The following CWC25 variants were observed in gnomAD, a reference collection of about 807,000 sequenced individuals.
The protein encoded by CWC25 is CWC25 spliceosome associated protein.
In CWC25, 31 loss-of-function variants were observed where a neutral mutation model predicts 54.6. The observed-to-expected ratio is 0.57, with a 90% confidence interval of 0.43 to 0.77. CWC25 has a LOEUF of 0.77. Among genes scored for constraint, CWC25 ranks in the 30% least tolerant of loss-of-function variants. The probability of loss-of-function intolerance (pLI) is 0.00; values close to 1 mark genes in which losing one functional copy is unlikely to be tolerated. For synonymous variants in CWC25, 151 were observed against 187.0 expected (o/e 0.81, Z 1.57); for missense variants, 453 against 529.3 (o/e 0.86, Z 1.41).
intron 1 of CWC25, among the ~76,000 whole-genome samples, chr17:38,822,777 T>C (rs895836035): frequency 7.3e-5 from 11 of 150,464 alleles, no homozygotes; most frequent in Non-Finnish European, 1.6e-4. Context: ...AGAAGCCAAG[T>C]GAGAAAGGAG....
intron 4 of CWC25, among the ~76,000 whole-genome samples, chr17:38,812,275 C>T (rs1417724850): frequency 2.0e-5 from 3 of 152,114 alleles, no homozygotes; most frequent in Non-Finnish European, 4.4e-5. Flanking sequence ...CATACTCCAA[C>T]CTCCTGAACA....
intron 9 of CWC25, 95 bp downstream of exon 9, chr17:38,802,605 T>C: frequency 1.4e-6 from 2 of 1,443,538 alleles, no homozygotes; most frequent in Non-Finnish European, 1.9e-6. Context: ...GGGCTCCATG[T>C]GCAAACACAG....
At chr17:38,808,568 G>C (rs1911350311) in intron 6 of CWC25, among the ~76,000 whole-genome samples, 1 of 140,522 alleles carries the variant, frequency 7.1e-6, no homozygotes, top group Non-Finnish European at 1.6e-5. Context: ...ATAGCTTGAG[G>C]CCAGGAGTTT....
At chr17:38,822,470 C>T (rs1911962702) in intron 1 of CWC25, among the ~76,000 whole-genome samples, 1 of 152,136 alleles carries the variant, frequency 6.6e-6, no homozygotes, top group Non-Finnish European at 1.5e-5. Flanking sequence ...CTTTCCTTCC[C>T]AGGAATCTCT....
At chr17:38,820,218 C>T (rs1484536308) in intron 2 of CWC25, among the ~76,000 whole-genome samples, 1 of 152,204 alleles carries the variant, frequency 6.6e-6, no homozygotes, top group African/African-American at 2.4e-5. Context: ...CATGAACCAC[C>T]GCACCTAGTC....
intron 4 of CWC25, among the ~76,000 whole-genome samples, chr17:38,812,494 G>A (rs544168603): frequency 1.3e-5 from 2 of 152,268 alleles, no homozygotes; most frequent in African/African-American, 2.4e-5. Flanking sequence ...GGGCGTGGTG[G>A]CACATCCCTG....
intron 7 of CWC25, 164 bp downstream of exon 7, chr17:38,806,601 T>A: frequency 1.3e-6 from 1 of 772,898 alleles, no homozygotes; most frequent in East Asian, 2.7e-5. Flanking sequence ...TTTGGATGCC[T>A]GAGCTTTACA....
At position 38,806,079 on chromosome 17, in the gene CWC25, T is replaced by C. The variant is rs150975060; in HGVS notation, c.1001+218A>G. On this transcript the variant is annotated intron_variant, in intron 8 of 9. Coordinates refer to ENST00000614790, the MANE Select transcript of CWC25 (RefSeq NM_017748.5). ...CACCCACCTCAGCCTCCCAAACTGC[T>C]GTGATTACAGGCGTGAGCCACCACG... Among the ~76,000 whole-genome samples the C allele has an allele frequency of 4.9e-3, 750 of 152,340 alleles. 7 individuals are homozygous for C. The highest frequency in any genetic ancestry group is 0.017 in the African/African-American group (725 of 41,582).
intron 8 of CWC25, 143 bp from the exon 9 acceptor site, chr17:38,803,004 T>G: frequency 1.1e-6 from 1 of 893,558 alleles, no homozygotes; most frequent in Non-Finnish European, 1.7e-6. Context: ...AGTTCCCTTC[T>G]AACGTCCTGG....
intron 2 of CWC25, chr17:38,815,712 TTTATATTATGC>T (rs1911669006): frequency 7.8e-7 from 1 of 1,274,680 alleles, no homozygotes; most frequent in Admixed American, 2.5e-5. Context: ...TTACAGAGTC[TTTATATTATGC>T]TTTCATTTCC....
chr17:38,819,662 C>T (rs1450453830), intron 2 of CWC25, among the ~76,000 whole-genome samples: 3 of 150,364 alleles, frequency 2.0e-5, no homozygotes, highest in East Asian at 4.0e-4. Flanking sequence ...TGAGCCACTG[C>T]ACCCAGCCTC....
chr17:38,807,044 G>A (rs944435525), intron 6 of CWC25, 68 bp from the exon 7 acceptor site: 12 of 1,289,552 alleles, frequency 9.3e-6, no homozygotes, highest in South Asian at 2.6e-5. Context: ...AAACGCGGCC[G>A]GGCTCAGTGG....
At chr17:38,809,265 T>C (rs774190102) in intron 6 of CWC25, among the ~76,000 whole-genome samples, 2 of 150,834 alleles carry the variant, frequency 1.3e-5, no homozygotes, top group Non-Finnish European at 3.0e-5. Flanking sequence ...CTGTCTCTAC[T>C]AAAAATACAA....
At chr17:38,805,311 T>C (rs1484383872) in intron 8 of CWC25, among the ~76,000 whole-genome samples, 1 of 152,008 alleles carries the variant, frequency 6.6e-6, no homozygotes, top group Admixed American at 6.6e-5. Context: ...AAATATCTAA[T>C]ATCTAAAATT....
chr17:38,817,680 G>A (rs1383222874), intron 2 of CWC25, among the ~76,000 whole-genome samples: 2 of 151,856 alleles, frequency 1.3e-5, no homozygotes, highest in African/African-American at 2.4e-5. Context: ...CCAGCTACTC[G>A]GGAGGCTGAA....
Position 38,802,764 on chromosome 17 carries a change from C to T in CWC25, c.1099G>A (p.Ala367Thr), listed in dbSNP as rs930790865. Residue 367 changes from alanine to threonine, a missense_variant, in exon 9 of 10, where the codon GCT (alanine) becomes ACT (threonine). Physicochemically the swap from Ala to Thr is moderately conservative, Grantham distance 58. Coordinates refer to ENST00000614790, the MANE Select transcript of CWC25 (RefSeq NM_017748.5). Reference sequence around the variant, plus strand: ...CTCTGCTCCCGTTCCTCATCCTTAGCATGCCTCTTGAGGATGTTCAGTCTC... The same window carrying T: ...CTCTGCTCCCGTTCCTCATCCTTAGTATGCCTCTTGAGGATGTTCAGTCTC... ...EERLNILKRH[A>T]KDEEREQRLE... is the part of the protein sequence containing the mutation. 12 of 1,613,916 alleles carry T rather than the reference C, an allele frequency of 7.4e-6. No individual in the cohort carries two copies. The Admixed American group carries it at 1.7e-4, about 22-fold the overall frequency.
intron 2 of CWC25, among the ~76,000 whole-genome samples, chr17:38,819,775 C>T (rs1360864698): frequency 6.6e-6 from 1 of 151,690 alleles, no homozygotes; most frequent in Admixed American, 6.6e-5. Context: ...TTCTGCCTCC[C>T]GGGTTCAAGC....
chr17:38,808,143 G>C (rs2143556418), intron 6 of CWC25, among the ~76,000 whole-genome samples: 1 of 140,270 alleles, frequency 7.1e-6, no homozygotes, highest in South Asian at 2.3e-4. Context: ...CCAGCACTTT[G>C]GGAGGCCAAG....
chr17:38,814,941 G>C lies in CWC25; in HGVS notation c.348C>G (p.Gly116=), dbSNP rs201614159. The part of the protein sequence containing the change: ...GCSSETGLLP[G]SIFAPSGANS... ...TGGCACCTGATGGGGCAAAGATAGA[G>C]CCTGGGAGAAGTCCTGTTTCAGAAG... The change falls in exon 3 of 10, where the codon GGC becomes GGG. Residue 116 remains glycine, a synonymous_variant. Coordinates refer to ENST00000614790, the MANE Select transcript of CWC25 (RefSeq NM_017748.5). The C allele has an allele frequency of 1.0e-3, 1,618 of 1,613,726 alleles. 5 individuals carry two copies. Among genetic ancestry groups the C allele is most frequent in the South Asian group, 1.5e-3 (136 of 91,072 alleles).
Sources: allele counts gnomAD v4.1 joint callset (sites outside exome capture counted in the v4.1 genomes callset), GRCh38; gene constraint gnomAD v4.1.1; transcripts MANE v1.5; gene names NCBI Gene and HGNC (gene_info 2026-07-23, HGNC 2026-07-21).